The following ZNF385B variants were observed in gnomAD, a reference collection of about 807,000 sequenced individuals.
ZNF385B encodes the protein zinc finger protein 385B, also known as zinc finger protein 533.
ZNF385B carries 23 observed loss-of-function variants against 39.2 expected under a neutral mutation model. The observed-to-expected ratio is 0.59, with a 90% confidence interval of 0.42 to 0.83. The LOEUF (loss-of-function observed/expected upper bound fraction) is 0.83, where lower values mean the gene tolerates loss of function less well. ZNF385B is among the 40% of genes least tolerant of loss of function. ZNF385B has a pLI of 0.00. For synonymous variants in ZNF385B, 205 were observed against 222.6 expected (o/e 0.92, Z 0.70); for missense variants, 552 against 598.9 (o/e 0.92, Z 0.82).
At chr2:179,701,793 T>A (rs921799342) in intron 3 of ZNF385B, among the ~76,000 whole-genome samples, 1 of 152,176 alleles carries the variant, frequency 6.6e-6, no homozygotes, top group African/African-American at 2.4e-5. Context: ...ATCTCAACAA[T>A]GTTTTTAAAG....
At chr2:179,584,652 A>G (rs1355061893) in intron 3 of ZNF385B, among the ~76,000 whole-genome samples, 2 of 152,194 alleles carry the variant, frequency 1.3e-5, no homozygotes, top group Admixed American at 1.3e-4. Flanking sequence ...AGGAAAACCT[A>G]CATATGCCTA....
At chr2:179,511,601 T>C (rs2057693038) in intron 5 of ZNF385B, among the ~76,000 whole-genome samples, 1 of 152,190 alleles carries the variant, frequency 6.6e-6, no homozygotes, top group African/African-American at 2.4e-5. Context: ...ATTGAACGAC[T>C]GCAGTTTCTG....
intron 3 of ZNF385B, among the ~76,000 whole-genome samples, chr2:179,567,750 C>T (rs1288921243): frequency 6.6e-6 from 1 of 152,164 alleles, no homozygotes; most frequent in African/African-American, 2.4e-5. Flanking sequence ...TCTTTGATTC[C>T]TCCTTAGCTT....
At chr2:179,520,765 G>C (rs2058428595) in intron 4 of ZNF385B, among the ~76,000 whole-genome samples, 1 of 152,056 alleles carries the variant, frequency 6.6e-6, no homozygotes, top group African/African-American at 2.4e-5. Flanking sequence ...AACTACATGG[G>C]ATTAAACTAT....
intron 3 of ZNF385B, among the ~76,000 whole-genome samples, chr2:179,608,049 G>A (rs1324317398): frequency 6.6e-6 from 1 of 151,648 alleles, no homozygotes; most frequent in East Asian, 2.0e-4. Flanking sequence ...GAGTAGCTGG[G>A]ATTACAGGCG....
At chr2:179,683,395 A>G (rs1054765394) in intron 3 of ZNF385B, among the ~76,000 whole-genome samples, 7 of 152,106 alleles carry the variant, frequency 4.6e-5, no homozygotes, top group Non-Finnish European at 1.0e-4. Flanking sequence ...AAAGAAAAAA[A>G]GGAGCTAAGA....
chr2:179,796,263 G>A (rs940307770), intron 1 of ZNF385B: 4 of 152,056 alleles, frequency 2.6e-5, no homozygotes, highest in East Asian at 1.9e-4. Context: ...TTGAATTTTC[G>A]CCTTTTAAAA....
At chr2:179,773,766 A>C (rs1265752033) in intron 1 of ZNF385B, among the ~76,000 whole-genome samples, 1 of 152,204 alleles carries the variant, frequency 6.6e-6, no homozygotes, top group Non-Finnish European at 1.5e-5. Flanking sequence ...CAGAGGAGAA[A>C]ACAAGAAATT....
chr2:179,860,832 A>C (rs548113823), intron 1 of ZNF385B: 1 of 456,602 alleles, frequency 2.2e-6, no homozygotes, highest in African/African-American at 2.0e-5. Flanking sequence ...ACAGAGGAGT[A>C]TGCTCCTGTG....
chr2:179,581,559 T>C (rs1215259158), intron 3 of ZNF385B, among the ~76,000 whole-genome samples: 1 of 152,226 alleles, frequency 6.6e-6, no homozygotes, highest in Non-Finnish European at 1.5e-5. Flanking sequence ...ATCTTCCAGA[T>C]GATTTAATGA....
In ZNF385B at chr2:179,446,626, G is replaced by A. The variant is rs1291397269; in HGVS notation, c.860C>T (p.Thr287Ile). The change falls in exon 7 of 10, where the codon ACT (threonine) becomes ATT (isoleucine). Residue 287 changes from threonine to isoleucine, a missense_variant. Physicochemically the swap from Thr to Ile is moderately conservative, Grantham distance 89. Coordinates refer to ENST00000410066, the MANE Select transcript of ZNF385B (RefSeq NM_152520.6). ...TTTTTCTTCTTCTGATTCAACAACAGTACCGGGAGCTCCATTTGTGCTCTT... is the reference window on the plus strand; with the variant it reads ...TTTTTCTTCTTCTGATTCAACAACAATACCGGGAGCTCCATTTGTGCTCTT... ...PSKSTNGAPG[T>I]VVESEEEKAK... is the part of the protein sequence containing the mutation. 9.9e-6 allele frequency: 16 copies of A among 1,613,948 alleles called. No individual in the cohort carries two copies. The highest frequency in any genetic ancestry group is 8.9e-5 in the East Asian group (4 of 44,868).
chr2:179,529,875 G>A (rs1362701391), intron 4 of ZNF385B, among the ~76,000 whole-genome samples: 1 of 152,090 alleles, frequency 6.6e-6, no homozygotes, highest in African/African-American at 2.4e-5. Flanking sequence ...TGAGTGATAG[G>A]AACAGAAACT....
intron 3 of ZNF385B, among the ~76,000 whole-genome samples, chr2:179,573,537 T>A (rs2222032): frequency 0.069 from 10,518 of 152,210 alleles, 462 homozygotes; most frequent in Middle Eastern, 0.19. Context: ...TTGATGAATA[T>A]TTGTTTGTTT....
chr2:179,830,260 T>G (rs1268963941), intron 1 of ZNF385B, among the ~76,000 whole-genome samples: 3 of 152,212 alleles, frequency 2.0e-5, no homozygotes, highest in African/African-American at 7.2e-5. Flanking sequence ...AAACAGATAC[T>G]CTCATTCATT....
chr2:179,698,682 T>C (rs1698949193), intron 3 of ZNF385B, among the ~76,000 whole-genome samples: 1 of 152,216 alleles, frequency 6.6e-6, no homozygotes, highest in East Asian at 1.9e-4. Context: ...GTGATCATAA[T>C]AAAAGCACTT....
chr2:179,678,428 A>G (rs901205489), intron 3 of ZNF385B, among the ~76,000 whole-genome samples: 4 of 152,172 alleles, frequency 2.6e-5, no homozygotes, highest in Admixed American at 6.5e-5. Flanking sequence ...TCTAGGTACT[A>G]TATTTCCTTA....
chr2:179,576,458 C>T (rs972658616), intron 3 of ZNF385B, among the ~76,000 whole-genome samples: 1 of 152,152 alleles, frequency 6.6e-6, no homozygotes, highest in Non-Finnish European at 1.5e-5. Context: ...GTCATTTACA[C>T]TAACATGGCC....
intron 3 of ZNF385B, among the ~76,000 whole-genome samples, chr2:179,681,880 A>G (rs371586217): frequency 4.6e-5 from 7 of 152,248 alleles, no homozygotes; most frequent in African/African-American, 1.4e-4. Flanking sequence ...AACTCAATTT[A>G]TAAGAATTAT....
intron 3 of ZNF385B, among the ~76,000 whole-genome samples, chr2:179,613,103 G>A (rs982617311): frequency 6.6e-6 from 1 of 152,106 alleles, no homozygotes; most frequent in African/African-American, 2.4e-5. Flanking sequence ...TGGTGAATGC[G>A]GCCAAGCCTG....
Sources: allele counts gnomAD v4.1 joint callset (sites outside exome capture counted in the v4.1 genomes callset), GRCh38; gene constraint gnomAD v4.1.1; transcripts MANE v1.5; gene names NCBI Gene and HGNC (gene_info 2026-07-23, HGNC 2026-07-21).